The following CPQ variants were observed in gnomAD, a reference collection of about 807,000 sequenced individuals.
CPQ encodes the protein carboxypeptidase Q, also known as Ser-Met dipeptidase.
In CPQ, 37 loss-of-function variants were observed where a neutral mutation model predicts 45.7. The observed-to-expected ratio is 0.81, with a 90% confidence interval of 0.62 to 1.07. CPQ has a LOEUF of 1.07. Among genes scored for constraint, CPQ ranks in the 50% least tolerant of loss-of-function variants. CPQ has a pLI of 0.00. For missense variants in CPQ, 537 were observed against 572.9 expected, an observed-to-expected ratio of 0.94 and a Z score of 0.64; for synonymous variants, 186 against 205.8, an observed-to-expected ratio of 0.90 and a Z score of 0.82.
intron 4 of CPQ, among the ~76,000 whole-genome samples, chr8:96,954,019 A>C (rs1409208451): frequency 6.6e-6 from 1 of 152,168 alleles, no homozygotes; most frequent in Non-Finnish European, 1.5e-5. Flanking sequence ...ATGTTAAACA[A>C]GATTGTATCA....
At chr8:96,844,160 C>T (rs1485507340) in intron 3 of CPQ, among the ~76,000 whole-genome samples, 2 of 152,148 alleles carry the variant, frequency 1.3e-5, no homozygotes, top group Non-Finnish European at 2.9e-5. Context: ...AGGATTAAGG[C>T]AATGTTGTTT....
At chr8:96,689,839 A>G (rs1008398713) in intron 1 of CPQ, among the ~76,000 whole-genome samples, 5 of 151,910 alleles carry the variant, frequency 3.3e-5, no homozygotes, top group African/African-American at 9.7e-5. Flanking sequence ...CCTTTTTTCT[A>G]TAATCATTAA....
intron 1 of CPQ, among the ~76,000 whole-genome samples, chr8:96,712,217 A>G (rs1297916000): frequency 6.6e-6 from 1 of 152,166 alleles, no homozygotes. Context: ...TTTGCAGGGT[A>G]CAGCCCCTCT....
At chr8:97,128,913 A>G (rs374048096) in intron 7 of CPQ, among the ~76,000 whole-genome samples, 54 of 152,282 alleles carry the variant, frequency 3.5e-4, no homozygotes, top group African/African-American at 1.3e-3. Context: ...ATTATGTGAA[A>G]AGAAAGCTTC....
At chr8:96,845,706 G>A (rs1286535335) in intron 3 of CPQ, among the ~76,000 whole-genome samples, 1 of 152,124 alleles carries the variant, frequency 6.6e-6, no homozygotes, top group Non-Finnish European at 1.5e-5. Context: ...CTATAGTAAG[G>A]CTGAAAGAAT....
At chr8:97,090,404 A>AT (rs1811108198) in intron 7 of CPQ, among the ~76,000 whole-genome samples, 1 of 152,206 alleles carries the variant, frequency 6.6e-6, no homozygotes. Flanking sequence ...AAAACCTAGC[A>AT]TTTTTTAATG....
At chr8:96,979,655 T>C (rs1240945911) in intron 5 of CPQ, among the ~76,000 whole-genome samples, 1 of 152,172 alleles carries the variant, frequency 6.6e-6, no homozygotes, top group Non-Finnish European at 1.5e-5. Flanking sequence ...TGATCGGACC[T>C]TTATGGTTAA....
intron 6 of CPQ, among the ~76,000 whole-genome samples, chr8:97,043,582 C>T (rs187296605): frequency 5.9e-5 from 9 of 152,122 alleles, no homozygotes; most frequent in Admixed American, 1.3e-4. Flanking sequence ...TTCCTAGCCT[C>T]GATGGTCTTT....
At chr8:97,013,345 T>A (rs186907990) in intron 5 of CPQ, among the ~76,000 whole-genome samples, 10 of 152,324 alleles carry the variant, frequency 6.6e-5, no homozygotes, top group African/African-American at 2.4e-4. Context: ...AAATATCCTA[T>A]GTCCAAAAGT....
chr8:96,816,223 T>G (rs1222739833), intron 2 of CPQ, among the ~76,000 whole-genome samples: 2 of 152,158 alleles, frequency 1.3e-5, no homozygotes, highest in East Asian at 3.9e-4. Flanking sequence ...CTAAATCCTT[T>G]GTTGTCATTT....
At chr8:96,870,226 T>C (rs1446931396) in intron 3 of CPQ, among the ~76,000 whole-genome samples, 1 of 152,000 alleles carries the variant, frequency 6.6e-6, no homozygotes, top group African/African-American at 2.4e-5. Context: ...ATTACTTAAA[T>C]AGGTTCCCTT....
intron 2 of CPQ, among the ~76,000 whole-genome samples, chr8:96,802,862 C>G (rs1811024385): frequency 6.6e-6 from 1 of 152,142 alleles, no homozygotes; most frequent in Non-Finnish European, 1.5e-5. Context: ...CAAGAACTAT[C>G]AGATTTTTTT....
At position 96,688,821 on chromosome 8, in the gene CPQ, G is replaced by A. The variant is rs140392562; in HGVS notation, c.-35+43419G>A. Among the ~76,000 whole-genome samples, 537 of 152,200 alleles carry A rather than the reference G, an allele frequency of 3.5e-3. 3 individuals carry two copies. Among genetic ancestry groups the A allele is most frequent in the African/African-American group, 0.012 (500 of 41,530 alleles). Reference sequence around the variant, plus strand: ...GTAACTGAAAAGCCATCTAGTGGTTGCTTAATCAATTAAGACAATTGCTAC... The same window carrying A: ...GTAACTGAAAAGCCATCTAGTGGTTACTTAATCAATTAAGACAATTGCTAC... On this transcript the variant is annotated intron_variant, in intron 1 of 7. Transcript: ENST00000220763.
rs141006291 is a variant in CPQ at position 97,066,360 on chromosome 8, A to G, written c.1255+150A>G. 1.7e-4 allele frequency: 109 copies of G among 646,216 alleles called. 3 individuals carry two copies. The East Asian group carries it at 2.5e-3, about 15-fold the overall frequency. 40.0% of individuals were successfully genotyped at this position (646,216 alleles called of 1,614,324 possible). On this transcript the variant is annotated intron_variant, in intron 7 of 7. Transcript: ENST00000220763. ...TTCAAGGTATAATCTGATGATTTCTAAAACTGGGATAATAGTCCTCACCTT... is the reference window on the plus strand; with the variant it reads ...TTCAAGGTATAATCTGATGATTTCTGAAACTGGGATAATAGTCCTCACCTT...
intron 3 of CPQ, among the ~76,000 whole-genome samples, chr8:96,852,746 G>A (rs1412695471): frequency 6.6e-6 from 1 of 152,172 alleles, no homozygotes; most frequent in African/African-American, 2.4e-5. Context: ...GGACATACCA[G>A]ATGGCACGGC....
At chr8:96,853,623 T>C (rs1811802623) in intron 3 of CPQ, among the ~76,000 whole-genome samples, 1 of 152,124 alleles carries the variant, frequency 6.6e-6, no homozygotes, top group African/African-American at 2.4e-5. Flanking sequence ...TTCTAGCCTG[T>C]ATACTTTGGC....
chr8:96,999,687 G>A (rs1214922274), intron 5 of CPQ, among the ~76,000 whole-genome samples: 5 of 151,998 alleles, frequency 3.3e-5, no homozygotes, highest in Admixed American at 6.6e-5. Flanking sequence ...TGTGAATAGT[G>A]CTGCAGTGAA....
At chr8:96,839,093 T>TTATA (rs60795722) in intron 3 of CPQ, among the ~76,000 whole-genome samples, 105 of 148,256 alleles carry the variant, frequency 7.1e-4, no homozygotes, top group Middle Eastern at 3.6e-3. Flanking sequence ...GAACATTATA[T>TTATA]TATATATATA....
chr8:97,028,885 TA>T (rs1341514731), intron 5 of CPQ, among the ~76,000 whole-genome samples: 2 of 152,220 alleles, frequency 1.3e-5, no homozygotes, highest in Non-Finnish European at 2.9e-5. Context: ...TGGAGAAGCA[TA>T]ACTGTTGCAT....
Sources: allele counts gnomAD v4.1 joint callset (sites outside exome capture counted in the v4.1 genomes callset), GRCh38; gene constraint gnomAD v4.1.1; transcripts MANE v1.5; gene names NCBI Gene and HGNC (gene_info 2026-07-23, HGNC 2026-07-21).